ZNF385D: variants seen among roughly 807,000 people sequenced by gnomAD.
ZNF385D encodes the protein zinc finger protein 659.
A neutral mutation model predicts 35.8 loss-of-function variants in ZNF385D; 15 were observed. That is an observed-to-expected ratio of 0.42 (90% CI 0.28 to 0.64). ZNF385D has a LOEUF of 0.64. Among genes scored for constraint, ZNF385D ranks in the 30% least tolerant of loss-of-function variants. The pLI, the probability that ZNF385D is intolerant of heterozygous loss-of-function variation, is 0.23. For missense variants in ZNF385D, 474 were observed against 494.6 expected (o/e 0.96, Z 0.39); for synonymous variants, 212 against 186.8 (o/e 1.13, Z -1.10).
At chr3:21,865,045 CTTTTTTTTTTTTTT>C (rs3073907) in intron 3 of ZNF385D, among the ~76,000 whole-genome samples, 8 of 21,196 alleles carry the variant, frequency 3.8e-4, no homozygotes, top group Admixed American at 1.7e-3. Flanking sequence ...ACAGGGAAGA[CTTTTTTTTTTTTTT>C]TTTTTTTTTT....
At chr3:22,103,728 A>C (rs139983725) in intron 3 of ZNF385D, among the ~76,000 whole-genome samples, 1 of 135,228 alleles carries the variant, frequency 7.4e-6, no homozygotes, top group Non-Finnish European at 1.7e-5. Context: ...GTGAAATAAA[A>C]ATCTTATGGT....
rs528861925 is a variant in ZNF385D at position 21,587,184 on chromosome 3, A to G, written c.166-22500T>C. ...AATTTGGACTTTTCCCCTTTTAGCA[A>G]TATTAGGTGAAAAGGAGCATTCAAC... On this transcript the variant is annotated intron_variant, in intron 2 of 7. Coordinates refer to ENST00000281523, the MANE Select transcript of ZNF385D (RefSeq NM_024697.3). Among the ~76,000 whole-genome samples the G allele has an allele frequency of 7.0e-4, 107 of 152,298 alleles. 1 individual carries two copies. Among genetic ancestry groups the G allele is most frequent in the African/African-American group, 2.4e-3 (99 of 41,578 alleles).
intron 3 of ZNF385D, among the ~76,000 whole-genome samples, chr3:21,562,972 T>A (rs1271316475): frequency 6.6e-6 from 1 of 152,120 alleles, no homozygotes; most frequent in Non-Finnish European, 1.5e-5. Flanking sequence ...ACATAAAATA[T>A]TATATGTTTG....
intron 3 of ZNF385D, among the ~76,000 whole-genome samples, chr3:21,766,427 G>C (rs918868981): frequency 6.6e-6 from 1 of 152,086 alleles, no homozygotes; most frequent in South Asian, 2.1e-4. Context: ...GATGACTTTG[G>C]TTCATGTATT....
At chr3:22,076,655 G>C (rs569325457) in intron 3 of ZNF385D, among the ~76,000 whole-genome samples, 86 of 151,850 alleles carry the variant, frequency 5.7e-4, no homozygotes, top group Non-Finnish European at 1.1e-3. Context: ...TTTATCCCTA[G>C]TATCTGTCAA....
intron 3 of ZNF385D, among the ~76,000 whole-genome samples, chr3:21,785,802 T>C (rs940086831): frequency 7.9e-5 from 12 of 152,236 alleles, no homozygotes; most frequent in Non-Finnish European, 1.8e-4. Context: ...AGGACACTTT[T>C]GTTTCATGAC....
chr3:21,797,092 C>A (rs143759868), intron 3 of ZNF385D, among the ~76,000 whole-genome samples: 2 of 152,308 alleles, frequency 1.3e-5, no homozygotes, highest in East Asian at 3.9e-4. Context: ...AAACACATAT[C>A]TGATAAAGGA....
chr3:22,035,790 A>C (rs1446168196), intron 3 of ZNF385D, among the ~76,000 whole-genome samples: 1 of 152,166 alleles, frequency 6.6e-6, no homozygotes, highest in Non-Finnish European at 1.5e-5. Flanking sequence ...CTCCAAAATT[A>C]TGACCACTCT....
At chr3:21,986,670 G>C (rs1176869726) in intron 3 of ZNF385D, among the ~76,000 whole-genome samples, 1 of 142,732 alleles carries the variant, frequency 7.0e-6, no homozygotes, top group East Asian at 2.0e-4. Flanking sequence ...GAGTTCTGTA[G>C]ATGTCTATTA....
At chr3:22,058,727 A>C (rs1699541488) in intron 3 of ZNF385D, among the ~76,000 whole-genome samples, 1 of 152,230 alleles carries the variant, frequency 6.6e-6, no homozygotes, top group Non-Finnish European at 1.5e-5. Flanking sequence ...TTTTATTGCA[A>C]ATCTATACCA....
intron 3 of ZNF385D, among the ~76,000 whole-genome samples, chr3:22,031,060 G>C (rs1182917166): frequency 6.6e-6 from 1 of 152,212 alleles, no homozygotes; most frequent in African/African-American, 2.4e-5. Flanking sequence ...TGATACAAGG[G>C]GTGGGCTCTC....
At chr3:21,815,385 T>G (rs935900465) in intron 3 of ZNF385D, among the ~76,000 whole-genome samples, 15 of 151,930 alleles carry the variant, frequency 9.9e-5, no homozygotes, top group Admixed American at 1.3e-4. Context: ...AAAAAATCAA[T>G]GAATCAAGGA....
chr3:22,010,450 T>A (rs73137136), intron 3 of ZNF385D, among the ~76,000 whole-genome samples: 87 of 152,324 alleles, frequency 5.7e-4, no homozygotes, highest in South Asian at 3.3e-3. Context: ...CCTCTAAATG[T>A]TGGAGTTTAT....
intron 3 of ZNF385D, among the ~76,000 whole-genome samples, chr3:21,540,527 T>C (rs2062147916): frequency 6.6e-6 from 1 of 152,188 alleles, no homozygotes; most frequent in South Asian, 2.1e-4. Context: ...AGTTCGCTGA[T>C]GCAGAGAAAA....
chr3:21,766,698 G>T (rs1312867682), intron 3 of ZNF385D, among the ~76,000 whole-genome samples: 3 of 152,088 alleles, frequency 2.0e-5, no homozygotes, highest in Non-Finnish European at 4.4e-5. Context: ...AGAAGAGTAA[G>T]ATAGAATAGC....
At chr3:22,342,789 A>G (rs17011225) in intron 2 of ZNF385D, among the ~76,000 whole-genome samples, 7,119 of 152,324 alleles carry the variant, frequency 0.047, 518 homozygotes, top group African/African-American at 0.16. Context: ...CCAATGGATT[A>G]TAATTAAGTC....
rs1017557234 is a variant in ZNF385D at position 22,168,733 on chromosome 3, A to T, written c.325+84T>A. 13 of 832,120 alleles carry T rather than the reference A, an allele frequency of 1.6e-5. No individual in the cohort carries two copies. In the African/African-American group the frequency reaches 2.4e-4, roughly 15 times the overall value. The allele number at this position is 832,120 out of a possible 1,614,324, so 51.5% of individuals were successfully genotyped here. On this transcript the variant is annotated intron_variant, in intron 3 of 5. Transcript: ENST00000494108. ...TTTTCCTGGTTTAAAAAAATAGTTC[A>T]TTCTTTTATCCTCACATCTGCAGGT...
At chr3:21,670,085 T>C (rs896370028) in intron 1 of ZNF385D, among the ~76,000 whole-genome samples, 1 of 152,096 alleles carries the variant, frequency 6.6e-6, no homozygotes, top group Non-Finnish European at 1.5e-5. Flanking sequence ...TGATCACGGA[T>C]TGCCACTGTT....
chr3:21,724,176 A>G (rs893965971), intron 1 of ZNF385D, among the ~76,000 whole-genome samples: 67 of 152,256 alleles, frequency 4.4e-4, no homozygotes, highest in African/African-American at 1.6e-3. Flanking sequence ...AGGAGCATCC[A>G]GTACCAGCCA....
Sources: allele counts gnomAD v4.1 joint callset (sites outside exome capture counted in the v4.1 genomes callset), GRCh38; gene constraint gnomAD v4.1.1; transcripts MANE v1.5; gene names NCBI Gene and HGNC (gene_info 2026-07-23, HGNC 2026-07-21).